The following METAP2 variants were observed in gnomAD, a reference collection of about 807,000 sequenced individuals.
METAP2 encodes the protein methionyl aminopeptidase 2.
A neutral mutation model predicts 59.4 loss-of-function variants in METAP2; 25 were observed. The ratio of observed to expected loss-of-function variants is 0.42; its 90% CI spans 0.31 to 0.59. The LOEUF (loss-of-function observed/expected upper bound fraction) is 0.59. Among genes scored for constraint, METAP2 ranks in the 20% least tolerant of loss-of-function variants. The probability of loss-of-function intolerance (pLI) is 0.16; values close to 1 mark genes in which losing one functional copy is unlikely to be tolerated. For missense variants in METAP2, 366 were observed against 581.2 expected (o/e 0.63, Z 3.81); for synonymous variants, 214 against 194.1 (o/e 1.10, Z -0.85).
rs2076431388 is a variant in METAP2 at position 95,514,558 on chromosome 12, A to T, written c.*654A>T. On this transcript the variant is annotated 3_prime_UTR_variant, in exon 11 of 11. Coordinates refer to ENST00000323666, the MANE Select transcript of METAP2 (RefSeq NM_006838.4). ...TTAGGAATATTTCACCATTCTTTGT[A>T]GGACATAGTAGTCCTTGTCTTTTTT... 1.3e-5 allele frequency: 2 copies of T among 152,248 alleles called. No homozygotes were observed. Among genetic ancestry groups the T allele is most frequent in the Admixed American group, 1.3e-4 (2 of 15,288 alleles). The allele number at this position is 152,248 out of a possible 1,614,324, so 9.4% of individuals were successfully genotyped here. A position where few individuals can be genotyped will look rare whatever the true frequency, so the allele number is the denominator to read the frequency against.
At chr12:95,489,553 A>AT (rs1402078854) in intron 4 of METAP2, among the ~76,000 whole-genome samples, 1 of 152,250 alleles carries the variant, frequency 6.6e-6, no homozygotes, top group Non-Finnish European at 1.5e-5. Context: ...ATTCTTACAG[A>AT]TTTGGTATAG....
At chr12:95,497,261 C>T (rs2076282350) in intron 7 of METAP2, among the ~76,000 whole-genome samples, 1 of 152,200 alleles carries the variant, frequency 6.6e-6, no homozygotes, top group Non-Finnish European at 1.5e-5. Flanking sequence ...CCATTTTCCT[C>T]TTCTCCCCCT....
intron 2 of METAP2, among the ~76,000 whole-genome samples, chr12:95,479,501 G>GTA (rs1052682277): frequency 2.0e-4 from 30 of 152,302 alleles, no homozygotes; most frequent in African/African-American, 6.7e-4. Flanking sequence ...TGTGGTATTG[G>GTA]TATAAAAAGT....
chr12:95,490,438 T>A (rs2076229261), intron 4 of METAP2, among the ~76,000 whole-genome samples: 2 of 151,978 alleles, frequency 1.3e-5, no homozygotes, highest in East Asian at 3.9e-4. Flanking sequence ...GTTTAAAGTA[T>A]TAGCCAGTTT....
intron 10 of METAP2, among the ~76,000 whole-genome samples, 195 bp from the exon 11 acceptor site, chr12:95,513,457 G>A (rs1418669935): frequency 6.6e-6 from 1 of 152,098 alleles, no homozygotes; most frequent in East Asian, 1.9e-4. Flanking sequence ...GCCTCCAGCT[G>A]GTGTCCTATT....
chr12:95,495,902 C>T (rs912124996), intron 6 of METAP2, 102 bp from the exon 7 acceptor site: 1 of 710,428 alleles, frequency 1.4e-6, no homozygotes, highest in African/African-American at 1.8e-5. Context: ...AGCCTTCATT[C>T]TATTTTTCTG....
At chr12:95,505,597 C>T (rs77554790) in intron 8 of METAP2, among the ~76,000 whole-genome samples, 2 of 152,062 alleles carry the variant, frequency 1.3e-5, no homozygotes, top group Non-Finnish European at 2.9e-5. Flanking sequence ...GCCATTCAAG[C>T]CATTCTCCTA....
intron 7 of METAP2, among the ~76,000 whole-genome samples, chr12:95,501,654 G>T (rs1309754604): frequency 6.6e-6 from 1 of 151,908 alleles, no homozygotes; most frequent in Non-Finnish European, 1.5e-5. Flanking sequence ...GATGGAGGTT[G>T]CAGTCAGCTG....
chr12:95,476,539 A>AGAGAGAGAGAGAGAGAGAGAGAGAGAG (rs773224806), intron 2 of METAP2, among the ~76,000 whole-genome samples: 51 of 148,740 alleles, frequency 3.4e-4, no homozygotes, highest in African/African-American at 5.5e-4. Context: ...AGAAAGAAAG[A>AGAGAGAGAGAGAGAGAGAGAGAGAGAG]AAAGCTAGAA....
intron 5 of METAP2, 56 bp downstream of exon 5, chr12:95,494,273 A>G (rs1323182924): frequency 2.7e-6 from 4 of 1,489,238 alleles, no homozygotes; most frequent in Non-Finnish European, 3.7e-6. Context: ...TTAAGTACTA[A>G]CTCTCCAATT....
chr12:95,511,590 C>T (rs138060472), intron 8 of METAP2, among the ~76,000 whole-genome samples: 3,910 of 152,088 alleles, frequency 0.026, 76 homozygotes, highest in Non-Finnish European at 0.041. Context: ...CAGGGTTTCG[C>T]CATGTTGGTC....
At chr12:95,483,809 A>T (rs556521996) in intron 3 of METAP2, among the ~76,000 whole-genome samples, 8 of 152,304 alleles carry the variant, frequency 5.3e-5, no homozygotes, top group Non-Finnish European at 1.2e-4. Context: ...TGGTGGTGGT[A>T]GGGTAAGCGT....
intron 2 of METAP2, chr12:95,482,191 C>T (rs1241895499): frequency 2.2e-6 from 1 of 452,084 alleles, no homozygotes; most frequent in East Asian, 7.1e-5. Context: ...CTCACTGCAG[C>T]CTTGACTTCC....
At chr12:95,483,474 TCAAAA>T in intron 3 of METAP2, 194 bp downstream of exon 3, 1 of 68,816 alleles carries the variant, frequency 1.5e-5, no homozygotes. Flanking sequence ...AGACTCTGTC[TCAAAA>T]AAAAAAAAAA....
chr12:95,507,203 A>C (rs1445677869), intron 8 of METAP2, among the ~76,000 whole-genome samples: 3 of 152,188 alleles, frequency 2.0e-5, no homozygotes, highest in African/African-American at 7.2e-5. Context: ...TCTTGACTGT[A>C]GTAGGGTTAA....
chr12:95,513,132 C>CA (rs1555193627), intron 10 of METAP2, among the ~76,000 whole-genome samples: 7 of 147,900 alleles, frequency 4.7e-5, no homozygotes, highest in Non-Finnish European at 7.5e-5. Context: ...CACACACACA[C>CA]AAGTGCTCTC....
rs761105644 is a variant in METAP2, at chr12:95,476,192, T to A, written c.259+14T>A. 6.5e-7 allele frequency: 1 copy of A among 1,532,754 alleles called. No individual in the cohort carries two copies. Among genetic ancestry groups the A allele is most frequent in the East Asian group, 2.3e-5 (1 of 44,358 alleles). The allele number at this position is 1,532,754 out of a possible 1,614,324, so 94.9% of individuals were successfully genotyped here. A position where few individuals can be genotyped will look rare whatever the true frequency, so the allele number is the denominator to read the frequency against. On this transcript the variant is annotated intron_variant, in intron 2 of 10. Coordinates refer to ENST00000323666, the MANE Select transcript of METAP2 (RefSeq NM_006838.4). ...AAGATGATGAAGGTAAATGGTTAAT[T>A]TGATCTTTGTGGTTAGAAAAGCTAG... is the stretch of plus-strand genomic sequence containing the variant.
intron 4 of METAP2, among the ~76,000 whole-genome samples, chr12:95,486,731 A>T (rs1361739555): frequency 2.0e-5 from 3 of 152,136 alleles, no homozygotes. Flanking sequence ...TCCCAACCTC[A>T]GGTGATCCGC....
chr12:95,492,754 C>G (rs1245662526), intron 4 of METAP2, among the ~76,000 whole-genome samples: 4 of 151,804 alleles, frequency 2.6e-5, no homozygotes, highest in Non-Finnish European at 5.9e-5. Context: ...GAGACAGAGT[C>G]AGAGACAGAG....
Sources: gnomAD v4.1 joint callset for allele counts (sites outside exome capture counted in the v4.1 genomes callset) on GRCh38, gnomAD v4.1.1 for gene constraint, MANE v1.5 for transcripts, NCBI Gene and HGNC (gene_info 2026-07-23, HGNC 2026-07-21) for gene names.